RGS7: variants seen among roughly 807,000 people sequenced by gnomAD.
RGS7 encodes regulator of G-protein signaling 7.
RGS7 carries 27 observed loss-of-function variants against 81.1 expected under a neutral mutation model. The ratio of observed to expected loss-of-function variants is 0.33; its 90% CI spans 0.25 to 0.46. The LOEUF (loss-of-function observed/expected upper bound fraction) is 0.46, where lower values mean the gene tolerates loss of function less well. Ranked by LOEUF, RGS7 falls within the 20% of genes least tolerant of loss-of-function variation. The probability of loss-of-function intolerance (pLI) is 1.00; values close to 1 mark genes in which losing one functional copy is unlikely to be tolerated. For synonymous variants in RGS7, 208 were observed against 207.7 expected (o/e 1.00, Z -0.01); for missense variants, 396 against 607.4 (o/e 0.65, Z 3.66).
chr1:241,263,119 A>G (rs2077419486), intron 2 of RGS7, among the ~76,000 whole-genome samples: 1 of 151,368 alleles, frequency 6.6e-6, no homozygotes, highest in Non-Finnish European at 1.5e-5. Context: ...AAACAAACAA[A>G]AACAAAAATT....
chr1:240,785,044 C>T (rs1459755935), intron 18 of RGS7, among the ~76,000 whole-genome samples: 1 of 152,142 alleles, frequency 6.6e-6, no homozygotes, highest in Non-Finnish European at 1.5e-5. Context: ...TGAAAAATGC[C>T]TTTTCCACTT....
intron 3 of RGS7, among the ~76,000 whole-genome samples, chr1:241,054,669 C>T (rs541450871): frequency 6.6e-6 from 1 of 152,322 alleles, no homozygotes; most frequent in Non-Finnish European, 1.5e-5. Flanking sequence ...ATCAACCACA[C>T]ATCTATTAAG....
chr1:241,080,401 C>A (rs374770727), intron 3 of RGS7, among the ~76,000 whole-genome samples: 1 of 152,082 alleles, frequency 6.6e-6, no homozygotes, highest in East Asian at 1.9e-4. Context: ...TACCCTTTGG[C>A]TATCTGATAA....
At chr1:241,295,184 C>G (rs916409901) in intron 2 of RGS7, among the ~76,000 whole-genome samples, 1 of 152,092 alleles carries the variant, frequency 6.6e-6, no homozygotes, top group Non-Finnish European at 1.5e-5. Flanking sequence ...TGCGGTGGCT[C>G]ACGCCTGTAA....
chr1:241,273,184 C>CG lies in RGS7; in HGVS notation c.78+82514_78+82515insC, dbSNP rs71172695. Among the ~76,000 whole-genome samples, 10 of 144,296 alleles carry CG rather than the reference C, an allele frequency of 6.9e-5. No homozygotes were observed. The East Asian group carries it at 9.5e-4, about 14-fold the overall frequency. The allele number at this position is 144,296 out of a possible 152,430, so 94.7% of individuals were successfully genotyped here. On this transcript the variant is annotated intron_variant, in intron 2 of 18. Coordinates refer to ENST00000440928, the MANE Select transcript of RGS7 (RefSeq NM_001364886.1). ...AAGTAAATAATAATGAACCCCCCCC[C>CG]CCAAAGGATACACTCCTTCTTCTCT... is the stretch of plus-strand genomic sequence containing the variant.
At chr1:241,078,301 C>CTGTG (rs71568986) in intron 3 of RGS7, among the ~76,000 whole-genome samples, 1,951 of 130,246 alleles carry the variant, frequency 0.015, 18 homozygotes, top group East Asian at 0.044. Context: ...CTTCTGGTCT[C>CTGTG]TGTGTGTGTG....
intron 2 of RGS7, among the ~76,000 whole-genome samples, chr1:241,121,128 T>A (rs989065835): frequency 1.3e-4 from 20 of 152,152 alleles, no homozygotes; most frequent in African/African-American, 4.6e-4. Flanking sequence ...GCTTCACAGA[T>A]TTCAACAGTA....
intron 18 of RGS7, among the ~76,000 whole-genome samples, chr1:240,800,189 C>T (rs1687801839): frequency 6.6e-6 from 1 of 152,058 alleles, no homozygotes. Context: ...CTTTATTGCC[C>T]CATGGTGACT....
intron 2 of RGS7, among the ~76,000 whole-genome samples, chr1:241,265,369 G>A (rs2077532153): frequency 6.6e-6 from 1 of 152,224 alleles, no homozygotes; most frequent in Non-Finnish European, 1.5e-5. Flanking sequence ...AGTTGATTCT[G>A]AGTATATAGA....
intron 4 of RGS7, among the ~76,000 whole-genome samples, chr1:240,946,229 C>T (rs1447952024): frequency 6.6e-6 from 1 of 152,056 alleles, no homozygotes; most frequent in Non-Finnish European, 1.5e-5. Flanking sequence ...AAAATCCCCC[C>T]CTCTTTTCTT....
intron 2 of RGS7, among the ~76,000 whole-genome samples, chr1:241,281,437 T>C (rs2078506403): frequency 1.3e-5 from 2 of 152,332 alleles, no homozygotes; most frequent in South Asian, 4.1e-4. Flanking sequence ...CAAAAAGTGA[T>C]AGTTTCTGGT....
chr1:240,983,352 T>C (rs1685206522), intron 3 of RGS7, among the ~76,000 whole-genome samples: 1 of 152,190 alleles, frequency 6.6e-6, no homozygotes, highest in Non-Finnish European at 1.5e-5. Context: ...TTATTAAATA[T>C]GAAATATGTA....
At chr1:241,099,811 A>G (rs574051585) in intron 2 of RGS7, among the ~76,000 whole-genome samples, 1 of 152,316 alleles carries the variant, frequency 6.6e-6, no homozygotes, top group South Asian at 2.1e-4. Context: ...AAATGCATAC[A>G]ATACAGTTCC....
chr1:241,135,601 G>T (rs1197739445), intron 2 of RGS7, among the ~76,000 whole-genome samples: 2 of 152,082 alleles, frequency 1.3e-5, no homozygotes, highest in African/African-American at 4.8e-5. Flanking sequence ...TTTACCTAGG[G>T]AGAAAGGATA....
intron 2 of RGS7, among the ~76,000 whole-genome samples, chr1:241,171,580 T>G (rs1038620471): frequency 2.0e-5 from 3 of 152,218 alleles, no homozygotes; most frequent in African/African-American, 4.8e-5. Context: ...ATTCAAAATT[T>G]TTCTGGAGGT....
intron 6 of RGS7, among the ~76,000 whole-genome samples, chr1:240,888,750 A>C (rs1290838213): frequency 6.6e-6 from 1 of 151,874 alleles, no homozygotes; most frequent in African/African-American, 2.4e-5. Flanking sequence ...GGATGAGAGG[A>C]CGAGACTGAG....
At chr1:241,254,432 G>T (rs1300871531) in intron 2 of RGS7, among the ~76,000 whole-genome samples, 1 of 152,146 alleles carries the variant, frequency 6.6e-6, no homozygotes, top group East Asian at 1.9e-4. Flanking sequence ...AGGCTGGAAA[G>T]TCCAAGGTCA....
chr1:240,908,256 G>C (rs1477550918), intron 6 of RGS7, among the ~76,000 whole-genome samples: 1 of 151,826 alleles, frequency 6.6e-6, no homozygotes, highest in Non-Finnish European at 1.5e-5. Flanking sequence ...TAAACGACGA[G>C]TTAATGGGTG....
chr1:241,145,506 T>C (rs1277684775), intron 2 of RGS7, among the ~76,000 whole-genome samples: 2 of 152,182 alleles, frequency 1.3e-5, no homozygotes, highest in Non-Finnish European at 2.9e-5. Flanking sequence ...AAAAATTCTA[T>C]GGGCCAGACG....
Sources: gnomAD v4.1 joint callset for allele counts (sites outside exome capture counted in the v4.1 genomes callset) on GRCh38, gnomAD v4.1.1 for gene constraint, MANE v1.5 for transcripts, NCBI Gene and HGNC (gene_info 2026-07-23, HGNC 2026-07-21) for gene names.